The following CEP162 variants were observed in gnomAD, a reference collection of about 807,000 sequenced individuals.
The protein encoded by CEP162 is centrosomal protein 162, also known as centrosomal protein of 162 kDa.
A neutral mutation model predicts 169.2 loss-of-function variants in CEP162; 141 were observed. The ratio of observed to expected loss-of-function variants is 0.83; its 90% CI spans 0.73 to 0.96. The LOEUF (loss-of-function observed/expected upper bound fraction) is 0.96, where lower values mean the gene tolerates loss of function less well. CEP162 is among the 40% of genes least tolerant of loss of function. The pLI is 0.00. For synonymous variants in CEP162, 540 were observed against 526.4 expected, an observed-to-expected ratio of 1.03 and a Z score of -0.35; for missense variants, 1,600 against 1,587.2, an observed-to-expected ratio of 1.01 and a Z score of -0.14.
intron 26 of CEP162, among the ~76,000 whole-genome samples, chr6:84,125,609 C>T (rs1182630471): frequency 6.6e-6 from 1 of 152,104 alleles, no homozygotes; most frequent in Non-Finnish European, 1.5e-5. Flanking sequence ...ACTAGAGACA[C>T]CGAAGAGATC....
intron 18 of CEP162, 139 bp downstream of exon 18, chr6:84,169,189 C>G: frequency 1.7e-6 from 1 of 582,978 alleles, no homozygotes; most frequent in South Asian, 2.4e-5. Flanking sequence ...AGATATTTCT[C>G]CCTAAGTTTT....
intron 25 of CEP162, among the ~76,000 whole-genome samples, chr6:84,130,437 A>C (rs568432830): frequency 6.6e-6 from 1 of 152,182 alleles, no homozygotes; most frequent in African/African-American, 2.4e-5. Context: ...GATTGGTACC[A>C]GCTCCTCTCT....
chr6:84,194,893 TA>T lies in CEP162; in HGVS notation c.1017del (p.Met340TrpfsTer8). On this transcript the variant is annotated frameshift_variant, in exon 10 of 27. Coordinates refer to ENST00000403245, the MANE Select transcript of CEP162 (RefSeq NM_014895.4). LOFTEE classifies it high-confidence loss of function. ...ATCTGTAAGTTTTTACCAGATTCCATAGTAGAGATGTTTTTTGAATTCTCTT... is the reference window on the plus strand; with the variant it reads ...ATCTGTAAGTTTTTACCAGATTCCATGTAGAGATGTTTTTTGAATTCTCTT... ...ENEENSKNIS[T>X]MESDLPTVEE... 6.2e-7 allele frequency: 1 copy of T among 1,606,228 alleles called. No individual in the cohort carries two copies. The highest frequency in any genetic ancestry group is 8.5e-7 in the Non-Finnish European group (1 of 1,175,102).
At chr6:84,176,681 G>C (rs2099532545) in intron 13 of CEP162, among the ~76,000 whole-genome samples, 1 of 152,120 alleles carries the variant, frequency 6.6e-6, no homozygotes, top group Non-Finnish European at 1.5e-5. Flanking sequence ...TGCTAAACTG[G>C]TAAATATAAT....
intron 2 of CEP162, among the ~76,000 whole-genome samples, chr6:84,222,994 T>C (rs998211462): frequency 3.9e-5 from 6 of 152,358 alleles, no homozygotes; most frequent in African/African-American, 1.4e-4. Flanking sequence ...AACTTCAGTA[T>C]CACCTTGAGG....
chr6:84,199,316 T>C (rs2099543476), intron 9 of CEP162, among the ~76,000 whole-genome samples: 1 of 152,128 alleles, frequency 6.6e-6, no homozygotes, highest in African/African-American at 2.4e-5. Flanking sequence ...ATAGTTGTAA[T>C]TTTTTTACCT....
intron 14 of CEP162, 96 bp downstream of exon 14, chr6:84,175,118 G>A (rs1394896625): frequency 7.4e-6 from 7 of 940,538 alleles, no homozygotes; most frequent in Non-Finnish European, 1.1e-5. Context: ...CAAAGGAAAA[G>A]ACATTTCAGT....
intron 6 of CEP162, among the ~76,000 whole-genome samples, chr6:84,206,312 TC>T: frequency 6.7e-6 from 1 of 150,238 alleles, no homozygotes; most frequent in Middle Eastern, 3.4e-3. Flanking sequence ...CTACCTGACT[TC>T]AAACTACACT....
chr6:84,127,150 T>C (rs770974869), intron 25 of CEP162, among the ~76,000 whole-genome samples: 3 of 152,128 alleles, frequency 2.0e-5, no homozygotes, highest in Non-Finnish European at 2.9e-5. Flanking sequence ...ATATTGAGCT[T>C]GGGAAAACAA....
chr6:84,138,958 A>G (rs972272032), intron 25 of CEP162, among the ~76,000 whole-genome samples: 1 of 152,250 alleles, frequency 6.6e-6, no homozygotes, highest in African/African-American at 2.4e-5. Flanking sequence ...GTGTTTTTAC[A>G]TTGATCTTTT....
At chr6:84,149,819 C>CA in intron 23 of CEP162, 116 bp from the exon 24 acceptor site, 9 of 768,758 alleles carry the variant, frequency 1.2e-5, no homozygotes, top group Non-Finnish European at 1.4e-5. Flanking sequence ...AAATGGGCAC[C>CA]AATATTAACT....
intron 25 of CEP162, among the ~76,000 whole-genome samples, chr6:84,144,571 T>C (rs1261898957): frequency 2.0e-5 from 3 of 152,110 alleles, no homozygotes; most frequent in Non-Finnish European, 2.9e-5. Flanking sequence ...GAAAGATTCA[T>C]GGAAAGCACT....
intron 2 of CEP162, among the ~76,000 whole-genome samples, chr6:84,222,907 G>A (rs1361428527): frequency 6.6e-6 from 1 of 152,226 alleles, no homozygotes. Flanking sequence ...AAGACAGGAG[G>A]AGGGAAGAAA....
intron 16 of CEP162, 86 bp from the exon 17 acceptor site, chr6:84,171,804 T>A (rs960183099): frequency 1.5e-5 from 7 of 456,958 alleles, no homozygotes; most frequent in East Asian, 7.1e-5. Flanking sequence ...AGATTAATCC[T>A]TTAAACGGCC....
intron 25 of CEP162, among the ~76,000 whole-genome samples, chr6:84,144,755 A>C (rs951497455): frequency 1.3e-5 from 2 of 152,140 alleles, no homozygotes; most frequent in African/African-American, 4.8e-5. Context: ...CTTTTTAGGG[A>C]CTGTCTGTTT....
At position 84,185,443 on chromosome 6, in the gene CEP162, G is replaced by GT. The variant is rs761786448; in HGVS notation, c.1406dup (p.Tyr469Ter). 6.2e-6 allele frequency: 10 copies of GT among 1,612,744 alleles called. No homozygotes were observed. The highest frequency in any genetic ancestry group is 8.5e-6 in the Non-Finnish European group (10 of 1,179,044). ...CTTCTTCAGAACTAAGTTGAGATCT[G>GT]TAAGTCTGTACACAACAAACAAAAG... ...LSQDDKINKT[Y>*]RSQLSSEEEG... The change falls in exon 13 of 27, where the codon TAC (tyrosine) becomes TAAC (stop). Residue 469 changes from tyrosine (Y) to a stop codon, truncating the protein, a stop_gained and frameshift_variant. Coordinates refer to ENST00000403245, the MANE Select transcript of CEP162 (RefSeq NM_014895.4). LOFTEE classifies it high-confidence loss of function.
At chr6:84,224,501 C>T (rs938848359) in intron 2 of CEP162, among the ~76,000 whole-genome samples, 1 of 152,086 alleles carries the variant, frequency 6.6e-6, no homozygotes, top group African/African-American at 2.4e-5. Flanking sequence ...CACAGAACTG[C>T]ACATTTAAAA....
At chr6:84,156,771 C>A (rs1562022771) in intron 21 of CEP162, among the ~76,000 whole-genome samples, 1 of 151,566 alleles carries the variant, frequency 6.6e-6, no homozygotes, top group Non-Finnish European at 1.5e-5. Flanking sequence ...CACACACACA[C>A]AAACACACTA....
intron 6 of CEP162, among the ~76,000 whole-genome samples, chr6:84,205,044 T>G (rs1229241900): frequency 6.6e-6 from 1 of 152,152 alleles, no homozygotes; most frequent in South Asian, 2.1e-4. Context: ...AATCCCTGAA[T>G]AGACCAATAA....
Sources: gnomAD v4.1 joint callset for allele counts (sites outside exome capture counted in the v4.1 genomes callset) on GRCh38, gnomAD v4.1.1 for gene constraint, MANE v1.5 for transcripts, NCBI Gene and HGNC (gene_info 2026-07-23, HGNC 2026-07-21) for gene names.